The following IL10RB variants were observed in gnomAD, a reference collection of about 807,000 sequenced individuals.
The protein encoded by IL10RB is interleukin-10 receptor subunit beta.
A neutral mutation model predicts 38.7 loss-of-function variants in IL10RB; 30 were observed. The observed-to-expected ratio is 0.78, with a 90% CI of 0.58 to 1.05. The LOEUF (loss-of-function observed/expected upper bound fraction) is 1.05, where lower values mean the gene tolerates loss of function less well. IL10RB is among the 50% of genes least tolerant of loss of function. The pLI is 0.00. For synonymous variants in IL10RB, 142 were observed against 145.9 expected, an observed-to-expected ratio of 0.97 and a Z score of 0.19; for missense variants, 328 against 397.1, an observed-to-expected ratio of 0.83 and a Z score of 1.48.
intron 3 of IL10RB, among the ~76,000 whole-genome samples, chr21:33,278,725 T>C (rs1306669781): frequency 6.6e-6 from 1 of 152,234 alleles, no homozygotes; most frequent in East Asian, 1.9e-4. Flanking sequence ...GTCTATGTAT[T>C]TTAGTGATAG....
chr21:33,277,664 CTTTCTTTT>C (rs1460566700), intron 3 of IL10RB, among the ~76,000 whole-genome samples: 1 of 129,170 alleles, frequency 7.7e-6, no homozygotes, highest in Admixed American at 8.0e-5. Context: ...TTCTTTCTTT[CTTTCTTTT>C]TTTTTTTTTT....
At chr21:33,283,366 T>G in intron 5 of IL10RB, 125 bp downstream of exon 5, 10 of 992,734 alleles carry the variant, frequency 1.0e-5, no homozygotes, top group Non-Finnish European at 1.4e-5. Flanking sequence ...ACATTATCTC[T>G]CAGCCCTGAC....
intron 5 of IL10RB, among the ~76,000 whole-genome samples, chr21:33,286,617 G>A (rs1441567334): frequency 1.3e-5 from 2 of 152,172 alleles, no homozygotes; most frequent in African/African-American, 4.8e-5. Context: ...AACGAGGGCC[G>A]GGGCAGGAGG....
intron 2 of IL10RB, among the ~76,000 whole-genome samples, chr21:33,273,166 C>T (rs1432125196): frequency 6.6e-6 from 1 of 152,162 alleles, no homozygotes; most frequent in African/African-American, 2.4e-5. Context: ...CCTATTGCCC[C>T]AGGCTGTAAA....
chr21:33,282,960 T>C lies in IL10RB; in HGVS notation c.499-134T>C, dbSNP rs934451458. 6.7e-6 allele frequency: 5 copies of C among 751,548 alleles called. No homozygotes were observed. In the African/African-American group the frequency reaches 8.7e-5, roughly 13 times the overall value. The allele number at this position is 751,548 out of a possible 1,614,324, so 46.6% of individuals were successfully genotyped here. On this transcript the variant is annotated intron_variant, in intron 4 of 6. Transcript: ENST00000290200. Reference sequence around the variant, plus strand: ...CTGAGTGGCCTCAGGGTCCCTGAACTGAGAGGAGCACCTGCTACCTGCTCC... The same window carrying C: ...CTGAGTGGCCTCAGGGTCCCTGAACCGAGAGGAGCACCTGCTACCTGCTCC...
At chr21:33,275,552 G>T (rs1008086316) in intron 2 of IL10RB, among the ~76,000 whole-genome samples, 10 of 152,312 alleles carry the variant, frequency 6.6e-5, no homozygotes, top group African/African-American at 2.4e-4. Flanking sequence ...TAAGGGAATG[G>T]TGTGGCTGGT....
intron 6 of IL10RB, among the ~76,000 whole-genome samples, chr21:33,292,908 C>T (rs536026605): frequency 6.6e-6 from 1 of 152,318 alleles, no homozygotes; most frequent in Admixed American, 6.5e-5. Context: ...GGGCCCTTTC[C>T]TGCCTGGGGC....
intron 4 of IL10RB, among the ~76,000 whole-genome samples, chr21:33,281,140 C>A (rs1231804068): frequency 6.6e-6 from 1 of 152,214 alleles, no homozygotes; most frequent in Non-Finnish European, 1.5e-5. Flanking sequence ...TCACCAATGG[C>A]ATTCAGGAAG....
chr21:33,284,598 C>T (rs1165955037), intron 5 of IL10RB, among the ~76,000 whole-genome samples: 1 of 152,074 alleles, frequency 6.6e-6, no homozygotes, highest in African/African-American at 2.4e-5. Flanking sequence ...AAATGTAATC[C>T]CCAGTGCTGG....
chr21:33,281,121 T>C (rs1989272793), intron 4 of IL10RB, among the ~76,000 whole-genome samples: 1 of 152,192 alleles, frequency 6.6e-6, no homozygotes, highest in South Asian at 2.1e-4. Context: ...TTGCTGCTCT[T>C]TTCTAAGGTC....
chr21:33,295,318 A>G (rs2082960031), intron 6 of IL10RB, among the ~76,000 whole-genome samples: 1 of 144,076 alleles, frequency 6.9e-6, no homozygotes. Context: ...AGATCGCACC[A>G]CTGCACTCCA....
chr21:33,276,025 C>T (rs1194854144), intron 2 of IL10RB, among the ~76,000 whole-genome samples: 1 of 152,192 alleles, frequency 6.6e-6, no homozygotes, highest in African/African-American at 2.4e-5. Context: ...ATGAAGTGAG[C>T]ATGTGCTGTT....
intron 5 of IL10RB, among the ~76,000 whole-genome samples, chr21:33,285,542 C>T (rs560655420): frequency 2.0e-5 from 3 of 152,270 alleles, no homozygotes; most frequent in East Asian, 1.9e-4. Context: ...GTGGAACTCT[C>T]CATCTGGGGT....
chr21:33,290,824 C>T (rs1471676329), intron 6 of IL10RB, among the ~76,000 whole-genome samples: 1 of 152,214 alleles, frequency 6.6e-6, no homozygotes, highest in Non-Finnish European at 1.5e-5. Flanking sequence ...TGGTCTGGCA[C>T]CATGTGATAC....
downstream of IL10RB, among the ~76,000 whole-genome samples, chr21:33,301,646 G>C (rs1343413423): frequency 6.6e-6 from 1 of 152,236 alleles, no homozygotes; most frequent in African/African-American, 2.4e-5. Context: ...GGAGCTGATG[G>C]GGTGGGAGCG....
At chr21:33,286,461 C>A (rs1303708884) in intron 5 of IL10RB, among the ~76,000 whole-genome samples, 1 of 152,154 alleles carries the variant, frequency 6.6e-6, no homozygotes, top group African/African-American at 2.4e-5. Flanking sequence ...GAGCTGGGAC[C>A]ACGAGCAACC....
rs149862505 is a variant in IL10RB at position 33,277,776 on chromosome 21, T to C, written c.331+1023T>C. ...AAACTGCCTCCAGGGTTCAAATGATTCTCGTGCCTCAGCCTCCTGAGTAGC... is the reference window on the plus strand; with the variant it reads ...AAACTGCCTCCAGGGTTCAAATGATCCTCGTGCCTCAGCCTCCTGAGTAGC... On this transcript the variant is annotated intron_variant, in intron 3 of 6. Transcript: ENST00000290200. Among the ~76,000 whole-genome samples the C allele has an allele frequency of 3.0e-3, 454 of 150,606 alleles. 3 individuals carry two copies. The highest frequency in any genetic ancestry group is 0.01 in the African/African-American group (429 of 40,896).
At chr21:33,282,760 G>C (rs747095160) in intron 4 of IL10RB, among the ~76,000 whole-genome samples, 87 of 152,144 alleles carry the variant, frequency 5.7e-4, no homozygotes, top group Non-Finnish European at 8.5e-4. Context: ...ATGTTGACTA[G>C]GCTGGTCTCA....
intron 2 of IL10RB, among the ~76,000 whole-genome samples, chr21:33,269,015 T>C (rs1030444194): frequency 6.6e-6 from 1 of 152,120 alleles, no homozygotes; most frequent in Admixed American, 6.5e-5. Flanking sequence ...GATTATAACA[T>C]CATGCCCCAG....
Sources: allele counts gnomAD v4.1 joint callset (sites outside exome capture counted in the v4.1 genomes callset), GRCh38; gene constraint gnomAD v4.1.1; transcripts MANE v1.5; gene names NCBI Gene and HGNC (gene_info 2026-07-23, HGNC 2026-07-21).